The following CACNA1C variants were observed in gnomAD, a reference collection of about 807,000 sequenced individuals.
CACNA1C encodes the protein voltage-dependent L-type calcium channel subunit alpha-1C.
Under a neutral mutation model 229.0 loss-of-function variants are expected in CACNA1C, and 30 were observed. That is an observed-to-expected ratio of 0.13 (90% CI 0.10 to 0.18). The LOEUF (loss-of-function observed/expected upper bound fraction) is 0.18, where lower values mean the gene tolerates loss of function less well. Among genes scored for constraint, CACNA1C ranks in the 10% least tolerant of loss-of-function variants. CACNA1C has a pLI of 1.00. For synonymous variants in CACNA1C, 1,114 were observed against 1,132.5 expected (o/e 0.98, Z 0.33); for missense variants, 1,658 against 2,845.0 (o/e 0.58, Z 9.49).
intron 1 of CACNA1C, chr12:1,997,933 A>C: frequency 6.2e-7 from 1 of 1,605,804 alleles, no homozygotes; most frequent in Non-Finnish European, 8.5e-7. Flanking sequence ...AAACACTCTT[A>C]CCTTGTATAA....
intron 3 of CACNA1C, among the ~76,000 whole-genome samples, chr12:2,334,524 G>A (rs2096636306): frequency 6.6e-6 from 1 of 152,202 alleles, no homozygotes; most frequent in African/African-American, 2.4e-5. Flanking sequence ...ACTGACTCCA[G>A]CCAGGCACGG....
chr12:2,248,071 T>C (rs2074115650), intron 3 of CACNA1C, among the ~76,000 whole-genome samples: 2 of 152,182 alleles, frequency 1.3e-5, no homozygotes, highest in South Asian at 4.1e-4. Context: ...TGTATATATG[T>C]GTGTGTGTGT....
upstream of CACNA1C, among the ~76,000 whole-genome samples, chr12:2,050,433 TCACAGTACCTGG>T (rs1315582086): frequency 6.6e-6 from 1 of 152,222 alleles, no homozygotes; most frequent in Non-Finnish European, 1.5e-5. Context: ...AAAGGGCCTA[TCACAGTACCTGG>T]CACAGAGCAC....
chr12:2,648,688 G>A (rs1223920638), intron 31 of CACNA1C, among the ~76,000 whole-genome samples, 181 bp downstream of exon 31: 1 of 152,138 alleles, frequency 6.6e-6, no homozygotes, highest in Non-Finnish European at 1.5e-5. Flanking sequence ...TGAAGATGCT[G>A]TTTGTGCAGT....
In CACNA1C at chr12:2,181,177, A is replaced by G. The variant is rs2154280793; in HGVS notation, c.477+60747A>G. ...GAGAGCCCAGTCCGTGACGGCGGTA[A>G]CAATGATCATTACTACCTCTGTTAT... is the stretch of plus-strand genomic sequence containing the variant. On this transcript the variant is annotated intron_variant, in intron 3 of 46. Transcript: ENST00000399655. This position sits in a 1 kb window ranked among gnomAD's most constrained non-coding sequence, Gnocchi z 4.0. 6.6e-6 allele frequency among the ~76,000 whole-genome samples: 1 copy of G among 152,310 alleles called. No homozygotes were observed. The highest frequency in any genetic ancestry group is 1.9e-4 in the East Asian group (1 of 5,188).
At chr12:2,588,241 T>C (rs1279446184) in intron 18 of CACNA1C, among the ~76,000 whole-genome samples, 5 of 152,226 alleles carry the variant, frequency 3.3e-5, no homozygotes, top group South Asian at 2.1e-4. Flanking sequence ...TGATCTACCA[T>C]TGTGCTCCCA....
At chr12:1,977,363 G>A (rs1034354395) in intron 1 of CACNA1C, among the ~76,000 whole-genome samples, 2 of 152,186 alleles carry the variant, frequency 1.3e-5, no homozygotes, top group African/African-American at 2.4e-5. Flanking sequence ...GTGGGAAACA[G>A]GAAGACATTT....
In CACNA1C at chr12:2,285,967, G is replaced by A. The variant is rs1278132029; in HGVS notation, c.478-163009G>A. Among the ~76,000 whole-genome samples, 1 of 152,166 alleles carries A rather than the reference G, an allele frequency of 6.6e-6. No homozygotes were observed. Among genetic ancestry groups the A allele is most frequent in the Non-Finnish European group, 1.5e-5 (1 of 68,042 alleles). On this transcript the variant is annotated intron_variant, in intron 3 of 46. Coordinates refer to ENST00000399655, the MANE Select transcript of CACNA1C (RefSeq NM_000719.7). This position sits in a 1 kb window ranked among gnomAD's most constrained non-coding sequence, Gnocchi z 4.2. ...CTCATGTTATAGTCAGGGAGTTTGA[G>A]GCCCAGGGACATTTCCCAGGGGATG...
At chr12:2,286,654 G>A (rs1309840806) in intron 3 of CACNA1C, among the ~76,000 whole-genome samples, 2 of 152,156 alleles carry the variant, frequency 1.3e-5, no homozygotes, top group Admixed American at 1.3e-4. Context: ...CAGAGTGGAG[G>A]AGGCGCAGTC....
intron 3 of CACNA1C, among the ~76,000 whole-genome samples, chr12:2,280,829 C>T (rs1255171256): frequency 6.6e-6 from 1 of 152,152 alleles, no homozygotes; most frequent in Non-Finnish European, 1.5e-5. Context: ...GCTTTGTTCC[C>T]TTTTCCCTCT....
chr12:2,669,549 CAGA>C (rs1004298436), intron 38 of CACNA1C, among the ~76,000 whole-genome samples: 4 of 152,164 alleles, frequency 2.6e-5, no homozygotes, highest in Middle Eastern at 3.2e-3. Flanking sequence ...GCTCACAAAA[CAGA>C]AGGAGACGGG....
At chr12:2,116,091 T>A (rs1327130301) in intron 2 of CACNA1C, among the ~76,000 whole-genome samples, 1 of 152,208 alleles carries the variant, frequency 6.6e-6, no homozygotes, top group Non-Finnish European at 1.5e-5. Flanking sequence ...CAGCCCTGAT[T>A]GCACATTAGA....
intron 3 of CACNA1C, among the ~76,000 whole-genome samples, chr12:2,299,652 C>G (rs1363440554): frequency 6.6e-6 from 1 of 152,110 alleles, no homozygotes; most frequent in Non-Finnish European, 1.5e-5. Context: ...ATCTGTTATT[C>G]CTGTTATTCT....
In CACNA1C at chr12:2,275,498, G is replaced by A. The variant is rs1447184968; in HGVS notation, c.477+155068G>A. Among the ~76,000 whole-genome samples, 1 of 151,898 alleles carries A rather than the reference G, an allele frequency of 6.6e-6. No homozygotes were observed. The highest frequency in any genetic ancestry group is 2.4e-5 in the African/African-American group (1 of 41,322). Reference sequence around the variant, plus strand: ...GGCCCCCTGTTCCATCCCACATGCAGCCTCCGTCCACTGTCCCCCAGCTCG... The same window carrying A: ...GGCCCCCTGTTCCATCCCACATGCAACCTCCGTCCACTGTCCCCCAGCTCG... On this transcript the variant is annotated intron_variant, in intron 3 of 46. Coordinates refer to ENST00000399655, the MANE Select transcript of CACNA1C (RefSeq NM_000719.7). The surrounding 1 kb of genome is among the most constrained non-coding windows in gnomAD (Gnocchi z 4.1).
intron 3 of CACNA1C, among the ~76,000 whole-genome samples, chr12:2,345,632 GTT>G (rs760097051): frequency 6.6e-6 from 1 of 152,158 alleles, no homozygotes; most frequent in African/African-American, 2.4e-5. Flanking sequence ...GGAACCATCT[GTT>G]TAACTTTGAA....
chr12:2,082,270 G>A (rs1370422104), intron 1 of CACNA1C, among the ~76,000 whole-genome samples: 5 of 152,186 alleles, frequency 3.3e-5, no homozygotes, highest in Admixed American at 1.3e-4. Flanking sequence ...CCTTCTCTGA[G>A]TAGACGAGTC....
chr12:2,400,202 A>G (rs893448149), intron 3 of CACNA1C, among the ~76,000 whole-genome samples: 3 of 152,192 alleles, frequency 2.0e-5, no homozygotes, highest in Admixed American at 2.0e-4. Context: ...GTTAAATAAC[A>G]TGGATCACTG....
intron 5 of CACNA1C, among the ~76,000 whole-genome samples, chr12:2,476,531 C>T (rs1043525496): frequency 6.6e-6 from 1 of 152,174 alleles, no homozygotes; most frequent in Non-Finnish European, 1.5e-5. Context: ...GTAGTTAATA[C>T]TATTATTGTT....
intron 3 of CACNA1C, among the ~76,000 whole-genome samples, chr12:2,367,733 A>G (rs2097760924): frequency 1.3e-5 from 2 of 152,200 alleles, no homozygotes; most frequent in African/African-American, 2.4e-5. Flanking sequence ...GCAAAAATTA[A>G]TAAGGAAACA....
Sources: gnomAD v4.1 joint callset for allele counts (sites outside exome capture counted in the v4.1 genomes callset) on GRCh38, gnomAD v4.1.1 for gene constraint, Gnocchi (gnomAD v3.1) non-coding constraint, MANE v1.5 for transcripts, NCBI Gene and HGNC (gene_info 2026-07-23, HGNC 2026-07-21) for gene names.